The following CACHD1 variants were observed in gnomAD, a reference collection of about 807,000 sequenced individuals.
The protein encoded by CACHD1 is VWFA and cache domain-containing protein 1.
In CACHD1, 71 loss-of-function variants were observed where a neutral mutation model predicts 138.7. The ratio of observed to expected loss-of-function variants is 0.51; its 90% CI spans 0.42 to 0.62. The LOEUF is 0.62. CACHD1 is among the 20% of genes least tolerant of loss of function. The pLI is 0.00. For synonymous variants in CACHD1, 578 were observed against 591.5 expected (o/e 0.98, Z 0.33); for missense variants, 1,389 against 1,625.3 (o/e 0.85, Z 2.50).
chr1:64,663,525 T>C (rs1435232547), intron 13 of CACHD1, among the ~76,000 whole-genome samples, 170 bp from the exon 14 acceptor site: 1 of 134,724 alleles, frequency 7.4e-6, no homozygotes, highest in African/African-American at 2.9e-5. Flanking sequence ...CACACCAGCC[T>C]GGGCCACAGA....
At chr1:64,502,760 A>C (rs1389881558) in intron 1 of CACHD1, among the ~76,000 whole-genome samples, 1 of 152,212 alleles carries the variant, frequency 6.6e-6, no homozygotes, top group Non-Finnish European at 1.5e-5. Context: ...TAAGTAGAAG[A>C]GTATGAATAA....
intron 1 of CACHD1, among the ~76,000 whole-genome samples, chr1:64,500,174 A>C (rs539518009): frequency 6.6e-6 from 1 of 152,324 alleles, no homozygotes; most frequent in East Asian, 1.9e-4. Context: ...GGGTAATGAC[A>C]CAGGTTACTT....
intron 1 of CACHD1, among the ~76,000 whole-genome samples, chr1:64,512,850 C>A (rs940195227): frequency 2.0e-5 from 3 of 152,078 alleles, no homozygotes; most frequent in South Asian, 2.1e-4. Context: ...TTTCTGCCAC[C>A]ATTTAAGTGA....
intron 1 of CACHD1, among the ~76,000 whole-genome samples, chr1:64,497,264 T>C (rs796108295): frequency 6.6e-6 from 1 of 152,180 alleles, no homozygotes; most frequent in South Asian, 2.1e-4. Context: ...GTCACTCGGC[T>C]AACATTTTTT....
At position 64,632,256 on chromosome 1, in the gene CACHD1, GAAAAAAA is replaced by G. The variant is rs55924104; in HGVS notation, c.645-327_645-321del. ...GAACACTAACATCCTGCTTTTTTCT[GAAAAAAA>G]AAAAAAAAAAAAAAAGAGAGAAAAG... is the stretch of plus-strand genomic sequence containing the variant. On this transcript the variant is annotated intron_variant, in intron 5 of 26. Transcript: ENST00000651257. Among the ~76,000 whole-genome samples, 908 of 129,764 alleles carry G rather than the reference GAAAAAAA, an allele frequency of 7.0e-3. 9 individuals carry two copies. Among genetic ancestry groups the G allele is most frequent in the Middle Eastern group, 0.037 (9 of 242 alleles). 85.1% of individuals were successfully genotyped at this position (129,764 alleles called of 152,430 possible). A position where few individuals can be genotyped will look rare whatever the true frequency, so the allele number is the denominator to read the frequency against.
chr1:64,652,273 C>A lies in CACHD1; in HGVS notation c.1503C>A (p.Asp501Glu). 6.2e-7 allele frequency: 1 copy of A among 1,613,452 alleles called. No individual in the cohort carries two copies. Among genetic ancestry groups the A allele is most frequent in the Non-Finnish European group, 8.5e-7 (1 of 1,179,740 alleles). Reference protein sequence around the residue: ...YILEDVTYYQDSLASYTFLID... With the variant: ...YILEDVTYYQESLASYTFLID... ...TTGAAGACGTGACGTATTACCAAGA[C>A]TCTTTGGCTTCCTATACTTTTCTCA... The change falls in exon 10 of 27, where the codon GAC (aspartate) becomes GAA (glutamate). Residue 501 changes from aspartate (D) to glutamate (E), a missense_variant. This residue lies in a region of CACHD1 where 1,000 missense variants were observed against 1,114.7 expected (regional missense o/e 0.90). Transcript: ENST00000651257.
chr1:64,491,869 C>T (rs1233555264), intron 1 of CACHD1, among the ~76,000 whole-genome samples: 1 of 152,172 alleles, frequency 6.6e-6, no homozygotes, highest in East Asian at 1.9e-4. Flanking sequence ...AGTCCTCCTA[C>T]CTCAGCCTCC....
intron 1 of CACHD1, among the ~76,000 whole-genome samples, chr1:64,528,388 A>G (rs1458939825): frequency 6.6e-6 from 1 of 152,254 alleles, no homozygotes; most frequent in African/African-American, 2.4e-5. Flanking sequence ...TTGCAGTGGC[A>G]TAAAAAATTG....
chr1:64,629,250 T>C (rs1648217371), intron 4 of CACHD1, 105 bp from the exon 5 acceptor site: 30 of 1,256,176 alleles, frequency 2.4e-5, no homozygotes, highest in Non-Finnish European at 3.2e-5. Flanking sequence ...TCTAGTGGGA[T>C]TTCTTCATAC....
At chr1:64,597,120 C>G (rs1647159255) in intron 3 of CACHD1, among the ~76,000 whole-genome samples, 1 of 152,082 alleles carries the variant, frequency 6.6e-6, no homozygotes, top group African/African-American at 2.4e-5. Context: ...GTCTTTATAT[C>G]TCTTTCTTTC....
At chr1:64,496,018 G>C (rs911047538) in intron 1 of CACHD1, among the ~76,000 whole-genome samples, 1 of 152,132 alleles carries the variant, frequency 6.6e-6, no homozygotes, top group Non-Finnish European at 1.5e-5. Flanking sequence ...AAAGGCAAGA[G>C]GGCACTTAAT....
At chr1:64,575,451 AATT>A (rs1391750161) in intron 2 of CACHD1, among the ~76,000 whole-genome samples, 1 of 152,224 alleles carries the variant, frequency 6.6e-6, no homozygotes, top group Non-Finnish European at 1.5e-5. Flanking sequence ...TTGTGCTTAA[AATT>A]ATTTTTATGT....
chr1:64,646,399 A>G (rs1648902714), intron 8 of CACHD1, among the ~76,000 whole-genome samples: 1 of 152,192 alleles, frequency 6.6e-6, no homozygotes, highest in Non-Finnish European at 1.5e-5. Context: ...TGAGTGGAGC[A>G]AAAGTCAAGT....
At chr1:64,678,370 G>A (rs2100731864) in intron 23 of CACHD1, 60 bp downstream of exon 23, 1 of 1,442,628 alleles carries the variant, frequency 6.9e-7, no homozygotes, top group East Asian at 2.6e-5. Flanking sequence ...CTGCCTATAT[G>A]CTAGGACATC....
intron 5 of CACHD1, 73 bp from the exon 6 acceptor site, chr1:64,632,526 G>T (rs1382826234): frequency 6.6e-7 from 1 of 1,521,580 alleles, no homozygotes; most frequent in African/African-American, 1.4e-5. Flanking sequence ...GCACTGTAGT[G>T]TTCACAGCTG....
chr1:64,614,988 C>T (rs1045532634), intron 4 of CACHD1, among the ~76,000 whole-genome samples: 5 of 152,118 alleles, frequency 3.3e-5, no homozygotes, highest in African/African-American at 1.2e-4. Context: ...CATCTAAGCT[C>T]ACGTTGGAGA....
intron 7 of CACHD1, among the ~76,000 whole-genome samples, chr1:64,636,130 T>G (rs569034821): frequency 3.0e-4 from 45 of 152,164 alleles, no homozygotes; most frequent in African/African-American, 9.4e-4. Context: ...AAAAATCTGT[T>G]TATAGTTTTT....
intron 20 of CACHD1, 103 bp downstream of exon 20, chr1:64,675,664 T>C (rs1649961520): frequency 7.3e-7 from 1 of 1,375,642 alleles, no homozygotes. Flanking sequence ...TGCTGGTGTG[T>C]GTCCTGAAGA....
intron 16 of CACHD1, among the ~76,000 whole-genome samples, chr1:64,670,472 T>G (rs1480552394): frequency 6.6e-6 from 1 of 152,220 alleles, no homozygotes; most frequent in Non-Finnish European, 1.5e-5. Context: ...GAAAGTCCTA[T>G]GTTGGGTAAA....
Sources: allele counts gnomAD v4.1 joint callset (sites outside exome capture counted in the v4.1 genomes callset), GRCh38; gene constraint gnomAD v4.1.1; regional missense constraint gnomAD v4.1.1; transcripts MANE v1.5; gene names NCBI Gene and HGNC (gene_info 2026-07-23, HGNC 2026-07-21).